KLHL5: variants seen among roughly 807,000 people sequenced by gnomAD.
KLHL5 encodes kelch-like protein 5.
Under a neutral mutation model 77.7 loss-of-function variants are expected in KLHL5, and 48 were observed. The ratio of observed to expected loss-of-function variants is 0.62; its 90% CI spans 0.49 to 0.79. KLHL5 has a LOEUF of 0.79. Ranked by LOEUF, KLHL5 falls within the 30% of genes least tolerant of loss-of-function variation. The probability of loss-of-function intolerance (pLI) is 0.00; values close to 1 mark genes in which losing one functional copy is unlikely to be tolerated. For missense variants in KLHL5, 723 were observed against 859.7 expected, an observed-to-expected ratio of 0.84 and a Z score of 1.99; for synonymous variants, 260 against 297.0, an observed-to-expected ratio of 0.88 and a Z score of 1.28.
chr4:39,046,807 G>A (rs1716227816), intron 1 of KLHL5, among the ~76,000 whole-genome samples: 2 of 152,170 alleles, frequency 1.3e-5, no homozygotes. Context: ...TTTCAATATA[G>A]GAGAGTGATA....
chr4:39,114,296 G>A (rs774032959), intron 9 of KLHL5, among the ~76,000 whole-genome samples: 5 of 152,096 alleles, frequency 3.3e-5, no homozygotes, highest in Admixed American at 2.6e-4. Context: ...AGGGAAAGTC[G>A]GCATTCAAAA....
chr4:39,103,884 G>A (rs1368912586), intron 7 of KLHL5, among the ~76,000 whole-genome samples: 1 of 149,506 alleles, frequency 6.7e-6, no homozygotes, highest in Non-Finnish European at 1.5e-5. Flanking sequence ...TCAGGAGGCT[G>A]AGGAGGGAGA....
At chr4:39,076,186 C>T in intron 2 of KLHL5, 39 bp downstream of exon 2, 2 of 1,548,976 alleles carry the variant, frequency 1.3e-6, no homozygotes, top group Non-Finnish European at 1.7e-6. Context: ...TGAAATATTT[C>T]CTCGGTAATT....
intron 5 of KLHL5, among the ~76,000 whole-genome samples, chr4:39,091,924 A>C (rs2566148): frequency 6.8e-6 from 1 of 146,178 alleles, no homozygotes. Context: ...GCCTCAAGCA[A>C]TCCTCCCGCC....
intron 10 of KLHL5, chr4:39,115,602 C>T: frequency 7.0e-7 from 1 of 1,419,280 alleles, no homozygotes; most frequent in Non-Finnish European, 9.1e-7. Flanking sequence ...CTGATTAAAG[C>T]TGATAGGACT....
intron 1 of KLHL5, among the ~76,000 whole-genome samples, chr4:39,069,350 C>T: frequency 6.6e-6 from 1 of 150,926 alleles, no homozygotes; most frequent in Non-Finnish European, 1.5e-5. Flanking sequence ...CAACAGAGTG[C>T]AGGAAGTGAA....
intron 5 of KLHL5, among the ~76,000 whole-genome samples, chr4:39,090,093 T>G (rs1455667476): frequency 2.0e-5 from 3 of 152,130 alleles, no homozygotes; most frequent in Non-Finnish European, 4.4e-5. Context: ...ACTAAAATAA[T>G]GAAGAAAATG....
At chr4:39,076,232 C>G in intron 2 of KLHL5, 85 bp downstream of exon 2, 1 of 1,196,736 alleles carries the variant, frequency 8.4e-7, no homozygotes, top group Non-Finnish European at 1.2e-6. Context: ...CTTCAATTGA[C>G]TATTATGTTT....
chr4:39,128,279 C>T (rs538499919), downstream of KLHL5, among the ~76,000 whole-genome samples: 32 of 152,018 alleles, frequency 2.1e-4, no homozygotes, highest in Non-Finnish European at 3.4e-4. Context: ...AAACCATCTC[C>T]GAGGTATTGG....
At chr4:39,048,034 CTACTGGG>C (rs1373509003) in intron 1 of KLHL5, among the ~76,000 whole-genome samples, 1 of 152,118 alleles carries the variant, frequency 6.6e-6, no homozygotes, top group Non-Finnish European at 1.5e-5. Flanking sequence ...TGTTGAGAAT[CTACTGGG>C]TACTGGGTAG....
At chr4:39,115,401 C>G in intron 10 of KLHL5, 71 bp downstream of exon 10, 2 of 1,587,634 alleles carry the variant, frequency 1.3e-6, no homozygotes, top group Non-Finnish European at 1.7e-6. Flanking sequence ...TAAAACAGAT[C>G]CCCTCAATCT....
In KLHL5 at chr4:39,122,386, A is replaced by T. The variant is rs765873235; in HGVS notation, c.*1320A>T. Among the ~76,000 whole-genome samples the T allele has an allele frequency of 6.6e-6, 1 of 152,210 alleles. No homozygotes were observed. Among genetic ancestry groups the T allele is most frequent in the Non-Finnish European group, 1.5e-5 (1 of 68,044 alleles). On this transcript the variant is annotated 3_prime_UTR_variant, in exon 11 of 11. Coordinates refer to ENST00000504108, the MANE Select transcript of KLHL5 (RefSeq NM_015990.5). ...TCTATTCCCTTTTTATAGCTAAGGA[A>T]ATTGGGGTACAGAGAAGTTAGCCCC... is the stretch of plus-strand genomic sequence containing the variant.
intron 2 of KLHL5, among the ~76,000 whole-genome samples, chr4:39,079,260 C>G (rs1719387227): frequency 1.3e-5 from 2 of 152,162 alleles, no homozygotes; most frequent in Non-Finnish European, 2.9e-5. Context: ...CCTGAGTGAT[C>G]CTTTAAAGTG....
At chr4:39,134,764 A>G in the KLHL5 span, among the ~76,000 whole-genome samples, 2 of 152,248 alleles carry the variant, frequency 1.3e-5, no homozygotes, top group African/African-American at 4.8e-5. Flanking sequence ...CATTTTAGAA[A>G]GGATGGCATA....
At chr4:39,134,688 G>A in the KLHL5 span, among the ~76,000 whole-genome samples, 1 of 152,358 alleles carries the variant, frequency 6.6e-6, no homozygotes, top group East Asian at 1.9e-4. Flanking sequence ...TACACACACA[G>A]AGAGGTTTCA....
chr4:39,093,100 A>G, intron 5 of KLHL5: 1 of 456,030 alleles, frequency 2.2e-6, no homozygotes, highest in South Asian at 1.5e-5. Context: ...AAGCAACCTA[A>G]GAAGCATCCA....
At chr4:39,093,258 T>A in intron 5 of KLHL5, 3 of 427,898 alleles carry the variant, frequency 7.0e-6, no homozygotes, top group South Asian at 3.4e-5. Context: ...GACACCAGAG[T>A]CTCCATATTG....
At chr4:39,053,735 A>G (rs1347047777) in intron 1 of KLHL5, among the ~76,000 whole-genome samples, 2 of 152,244 alleles carry the variant, frequency 1.3e-5, no homozygotes, top group Non-Finnish European at 2.9e-5. Context: ...ATCAGCTGTA[A>G]TAACTTTTAC....
chr4:39,139,498 C>T, the KLHL5 span, among the ~76,000 whole-genome samples: 2 of 151,900 alleles, frequency 1.3e-5, no homozygotes, highest in Non-Finnish European at 2.9e-5. Flanking sequence ...TCCAAACTCA[C>T]AGAATGTACC....
Sources: allele counts gnomAD v4.1 joint callset (sites outside exome capture counted in the v4.1 genomes callset), GRCh38; gene constraint gnomAD v4.1.1; transcripts MANE v1.5; gene names NCBI Gene and HGNC (gene_info 2026-07-23, HGNC 2026-07-21).